The following ZDHHC14 variants were observed in gnomAD, a reference collection of about 807,000 sequenced individuals.
The protein encoded by ZDHHC14 is palmitoyltransferase ZDHHC14.
Under a neutral mutation model 47.7 loss-of-function variants are expected in ZDHHC14, and 16 were observed. The ratio of observed to expected loss-of-function variants is 0.34; its 90% CI spans 0.23 to 0.51. ZDHHC14 has a LOEUF of 0.51. Ranked by LOEUF, ZDHHC14 falls within the 20% of genes least tolerant of loss-of-function variation. The pLI is 0.97. For missense variants in ZDHHC14, 515 were observed against 662.5 expected, an observed-to-expected ratio of 0.78 and a Z score of 2.44; for synonymous variants, 293 against 278.9, an observed-to-expected ratio of 1.05 and a Z score of -0.50.
intron 1 of ZDHHC14, among the ~76,000 whole-genome samples, chr6:157,492,172 G>A (rs1301969487): frequency 6.7e-6 from 1 of 149,912 alleles, no homozygotes; most frequent in African/African-American, 2.5e-5. Flanking sequence ...TCTGCCACCT[G>A]AGCCTTGACC....
chr6:157,465,760 G>A (rs1779197157), intron 1 of ZDHHC14, among the ~76,000 whole-genome samples: 1 of 152,156 alleles, frequency 6.6e-6, no homozygotes, highest in South Asian at 2.1e-4. Context: ...GAGAGGTGGG[G>A]GCTGGGCGCG....
intron 2 of ZDHHC14, among the ~76,000 whole-genome samples, chr6:157,548,323 C>A (rs1375439923): frequency 6.6e-6 from 1 of 152,184 alleles, no homozygotes; most frequent in Non-Finnish European, 1.5e-5. Flanking sequence ...CTGACTAGGC[C>A]ATGGAGGTCC....
chr6:157,493,974 G>C (rs4709298), intron 1 of ZDHHC14, among the ~76,000 whole-genome samples: 57,514 of 152,058 alleles, frequency 0.38, 11,539 homozygotes, highest in Admixed American at 0.5. Context: ...TGCCTGACAA[G>C]AGCTGGAAGC....
In ZDHHC14 at chr6:157,456,112, T is replaced by C. The variant is rs550336415; in HGVS notation, c.245+73846T>C. On this transcript the variant is annotated intron_variant, in intron 1 of 8. Transcript: ENST00000359775. ...CCGTTATGAAAACACATCCTTTCCTTCTACTCCCGGAGGAGGCCTGCTGCG... is the reference window on the plus strand; with the variant it reads ...CCGTTATGAAAACACATCCTTTCCTCCTACTCCCGGAGGAGGCCTGCTGCG... Among the ~76,000 whole-genome samples, 464 of 152,266 alleles carry C rather than the reference T, an allele frequency of 3.0e-3. 1 individual carries two copies. The highest frequency in any genetic ancestry group is 5.3e-3 in the Non-Finnish European group (359 of 68,008).
At chr6:157,383,057 A>G (rs889730212) in intron 1 of ZDHHC14, among the ~76,000 whole-genome samples, 1 of 152,222 alleles carries the variant, frequency 6.6e-6, no homozygotes, top group Non-Finnish European at 1.5e-5. Context: ...GGGGATAAAA[A>G]GCGCATGCAA....
chr6:157,451,664 G>A (rs776765513), intron 1 of ZDHHC14, among the ~76,000 whole-genome samples: 26 of 152,166 alleles, frequency 1.7e-4, no homozygotes, highest in Non-Finnish European at 2.6e-4. Context: ...GGGTTCAAGC[G>A]ATTCTTGTGC....
chr6:157,612,425 C>T (rs1784787345), intron 3 of ZDHHC14, among the ~76,000 whole-genome samples: 3 of 151,830 alleles, frequency 2.0e-5, no homozygotes, highest in South Asian at 4.1e-4. Context: ...GCACCGTAGT[C>T]CTGCATGCCA....
At chr6:157,616,436 A>G (rs1337356933) in intron 3 of ZDHHC14, among the ~76,000 whole-genome samples, 2 of 152,132 alleles carry the variant, frequency 1.3e-5, no homozygotes, top group African/African-American at 4.8e-5. Flanking sequence ...CCCGTGGGAC[A>G]ATTAGGTCCA....
chr6:157,478,150 A>G (rs962219906), intron 1 of ZDHHC14, among the ~76,000 whole-genome samples: 8 of 152,210 alleles, frequency 5.3e-5, no homozygotes, highest in Non-Finnish European at 8.8e-5. Flanking sequence ...TCATTGGCAA[A>G]CTTTGCATTA....
At chr6:157,415,194 A>G (rs977883214) in intron 1 of ZDHHC14, among the ~76,000 whole-genome samples, 4 of 152,172 alleles carry the variant, frequency 2.6e-5, no homozygotes, top group Non-Finnish European at 4.4e-5. Flanking sequence ...TTTTTTCTTT[A>G]AAGTTCCTTT....
chr6:157,476,076 G>T (rs1779474500), intron 1 of ZDHHC14, among the ~76,000 whole-genome samples: 1 of 151,862 alleles, frequency 6.6e-6, no homozygotes, highest in Non-Finnish European at 1.5e-5. Context: ...TGAGCCCAAA[G>T]TTAATAGAAG....
At chr6:157,598,454 A>G (rs956162008) in intron 3 of ZDHHC14, among the ~76,000 whole-genome samples, 5 of 152,162 alleles carry the variant, frequency 3.3e-5, no homozygotes, top group African/African-American at 1.2e-4. Context: ...TGCTGTGACA[A>G]TAACTAAGTA....
At chr6:157,588,760 C>T (rs1783790562) in intron 2 of ZDHHC14, among the ~76,000 whole-genome samples, 1 of 152,036 alleles carries the variant, frequency 6.6e-6, no homozygotes, top group African/African-American at 2.4e-5. Context: ...TAAAGAGGCA[C>T]ATAGGAATGT....
In ZDHHC14 at chr6:157,673,518, C is replaced by A; in HGVS notation, c.*396C>A. The A allele has an allele frequency of 5.7e-5, 10 of 174,318 alleles. No individual in the cohort carries two copies. The highest frequency in any genetic ancestry group is 9.5e-5 in the Non-Finnish European group (8 of 84,616). The allele number at this position is 174,318 out of a possible 1,614,324, so 10.8% of individuals were successfully genotyped here. ...AATATTTGAAACAGACCTGCCATTCCATTTGTTAATTAAAAAAAAAAAAAA... is the reference window on the plus strand; with the variant it reads ...AATATTTGAAACAGACCTGCCATTCAATTTGTTAATTAAAAAAAAAAAAAA... On this transcript the variant is annotated 3_prime_UTR_variant, in exon 9 of 9. Transcript: ENST00000359775. This position sits in a 1 kb window ranked among gnomAD's most constrained non-coding sequence, Gnocchi z 5.4.
chr6:157,510,103 G>A (rs140643616), intron 1 of ZDHHC14, among the ~76,000 whole-genome samples: 2 of 152,242 alleles, frequency 1.3e-5, no homozygotes, highest in East Asian at 3.9e-4. Flanking sequence ...ACATTAGTGG[G>A]GCATGATGGC....
rs143639241 is a variant in ZDHHC14, at chr6:157,629,205, C to T, written c.703+719C>T. On this transcript the variant is annotated intron_variant, in intron 4 of 8. Coordinates refer to ENST00000359775, the MANE Select transcript of ZDHHC14 (RefSeq NM_024630.3). ...GGTTATAACTTTGAATTGCTTTTGT[C>T]TCTTGGTCATTCACTTTTCTACAAT... 7.5e-4 allele frequency among the ~76,000 whole-genome samples: 114 copies of T among 152,238 alleles called. 2 individuals carry two copies. In the East Asian group the frequency reaches 0.018, roughly 24 times the overall value.
intron 1 of ZDHHC14, among the ~76,000 whole-genome samples, chr6:157,506,519 C>G (rs918977862): frequency 6.6e-6 from 1 of 152,228 alleles, no homozygotes; most frequent in East Asian, 1.9e-4. Flanking sequence ...CCCCTTCAAA[C>G]ATTATTTTCC....
intron 7 of ZDHHC14, among the ~76,000 whole-genome samples, chr6:157,652,224 T>G (rs891060593): frequency 6.6e-6 from 1 of 152,142 alleles, no homozygotes; most frequent in African/African-American, 2.4e-5. Flanking sequence ...TTTTCTGGCT[T>G]ATTGTTCTGC....
chr6:157,423,025 G>A (rs1778141808), intron 1 of ZDHHC14, among the ~76,000 whole-genome samples: 1 of 152,208 alleles, frequency 6.6e-6, no homozygotes, highest in Non-Finnish European at 1.5e-5. Context: ...TAAGGAAAAT[G>A]TTTTCCAGGC....
Sources: gnomAD v4.1 joint callset for allele counts (sites outside exome capture counted in the v4.1 genomes callset) on GRCh38, gnomAD v4.1.1 for gene constraint, Gnocchi (gnomAD v3.1) non-coding constraint, MANE v1.5 for transcripts, NCBI Gene and HGNC (gene_info 2026-07-23, HGNC 2026-07-21) for gene names.